Variants in FIBCD1 observed in about 807,000 individuals in gnomAD.
FIBCD1 encodes the protein fibrinogen C domain containing 1.
A neutral mutation model predicts 45.1 loss-of-function variants in FIBCD1; 47 were observed. The observed-to-expected ratio is 1.04, with a 90% CI of 0.82 to 1.33. The LOEUF is 1.33. Ranked by LOEUF, FIBCD1 falls within the 40% of genes most tolerant of loss-of-function variation. FIBCD1 has a pLI of 0.00. For synonymous variants in FIBCD1, 313 were observed against 308.1 expected, an observed-to-expected ratio of 1.02 and a Z score of -0.17; for missense variants, 653 against 682.2, an observed-to-expected ratio of 0.96 and a Z score of 0.48.
At chr9:130,914,943 A>T (rs1588106831) in intron 4 of FIBCD1, among the ~76,000 whole-genome samples, 1 of 151,878 alleles carries the variant, frequency 6.6e-6, no homozygotes. Flanking sequence ...CAGGCACCCC[A>T]CCCTTACAGG....
chr9:130,934,285 T>C (rs1832485919), intron 1 of FIBCD1, among the ~76,000 whole-genome samples: 1 of 152,114 alleles, frequency 6.6e-6, no homozygotes, highest in Non-Finnish European at 1.5e-5. Flanking sequence ...GAGACTCCCC[T>C]GGGGGTGAAG....
chr9:130,905,601 C>G (rs971504154), intron 5 of FIBCD1, among the ~76,000 whole-genome samples, 188 bp from the exon 6 acceptor site: 1 of 152,200 alleles, frequency 6.6e-6, no homozygotes, highest in Non-Finnish European at 1.5e-5. Flanking sequence ...CACTGAGGAC[C>G]GACAGTTTTC....
intron 1 of FIBCD1, 49 bp downstream of exon 1, chr9:130,938,487 C>A: frequency 1.4e-6 from 2 of 1,433,670 alleles, no homozygotes; most frequent in South Asian, 1.4e-5. Context: ...CCCGAGCGGC[C>A]ACCGCCTGGC....
Position 130,924,329 on chromosome 9 carries a change from A to G in FIBCD1, c.620T>C (p.Leu207Pro), listed in dbSNP as rs1420047592. Reference sequence around the variant, plus strand: ...CCGGCCCAGCCCCCGGTCCCTCTGCAGGGCATCCAGGATGTCGCTGACGGA... The same window carrying G: ...CCGGCCCAGCCCCCGGTCCCTCTGCGGGGCATCCAGGATGTCGCTGACGGA... The part of the protein sequence containing the change: ...VNSVSDILDA[L>P]QRDRGLGRPR... Residue 207 changes from leucine to proline, a missense_variant, in exon 3 of 7, where the codon CTG becomes CCG. By Grantham distance (98) the Leu-to-Pro change is moderately conservative (BLOSUM62 -3). Coordinates refer to ENST00000372338, the MANE Select transcript of FIBCD1 (RefSeq NM_032843.5). The G allele has an allele frequency of 6.2e-7, 1 of 1,608,084 alleles. No homozygotes were observed. Among genetic ancestry groups the G allele is most frequent in the South Asian group, 1.1e-5 (1 of 89,542 alleles).
Position 130,929,865 on chromosome 9 carries a change from G to A in FIBCD1, c.254C>T (p.Ala85Val), listed in dbSNP as rs1039307953. ...ANSALVTVER[A>V]DSSHLSILID... ...GAGGATGCTGAGGTGCGAGCTGTCC[G>A]CCCTTTCCACAGTGACCAGGGCGCT... Residue 85 changes from alanine to valine, a missense_variant, in exon 2 of 7, where the codon GCG becomes GTG. Physicochemically the swap from Ala to Val is moderately conservative, Grantham distance 64. Coordinates refer to ENST00000372338, the MANE Select transcript of FIBCD1 (RefSeq NM_032843.5). 29 of 1,549,626 alleles carry A rather than the reference G, an allele frequency of 1.9e-5. No individual in the cohort carries two copies. Among genetic ancestry groups the A allele is most frequent in the African/African-American group, 1.5e-4 (11 of 73,038 alleles).
chr9:130,918,868 C>T (rs914331386), intron 4 of FIBCD1, among the ~76,000 whole-genome samples: 3 of 152,240 alleles, frequency 2.0e-5, no homozygotes, highest in Admixed American at 1.3e-4. Context: ...TCTGCATAAG[C>T]CCGCGCAGGG....
At chr9:130,933,112 G>A (rs7864913) in intron 1 of FIBCD1, among the ~76,000 whole-genome samples, 65,876 of 152,108 alleles carry the variant, frequency 0.43, 16,225 homozygotes, top group Non-Finnish European at 0.56. Context: ...GAAGCCGCAG[G>A]GGGTCCCCTA....
upstream of FIBCD1, among the ~76,000 whole-genome samples, chr9:130,940,309 G>C (rs1832601932): frequency 6.6e-6 from 1 of 152,256 alleles, no homozygotes; most frequent in South Asian, 2.1e-4. Flanking sequence ...ACCACCGGCT[G>C]TTTGTCCCCA....
At chr9:130,915,639 T>C (rs903610887) in intron 4 of FIBCD1, among the ~76,000 whole-genome samples, 2 of 151,986 alleles carry the variant, frequency 1.3e-5, no homozygotes, top group Non-Finnish European at 2.9e-5. Context: ...GGAGGCGTGG[T>C]TGCAGTGAGC....
At position 130,922,637 on chromosome 9, in the gene FIBCD1, C is replaced by T. The variant is rs938181692; in HGVS notation, c.849+1107G>A. ...GTCGAAACACCTCCTCCCCGTCCCTCTCCCCACTGCCCAAGGATGCACACC... is the reference window on the plus strand; with the variant it reads ...GTCGAAACACCTCCTCCCCGTCCCTTTCCCCACTGCCCAAGGATGCACACC... On this transcript the variant is annotated intron_variant, in intron 4 of 6. Coordinates refer to ENST00000372338, the MANE Select transcript of FIBCD1 (RefSeq NM_032843.5). This position sits in a 1 kb window ranked among gnomAD's most constrained non-coding sequence, Gnocchi z 4.5. Among the ~76,000 whole-genome samples, 1 of 152,124 alleles carries T rather than the reference C, an allele frequency of 6.6e-6. No homozygotes were observed. Among genetic ancestry groups the T allele is most frequent in the Non-Finnish European group, 1.5e-5 (1 of 68,024 alleles).
chr9:130,916,204 T>C (rs557148002), intron 4 of FIBCD1, among the ~76,000 whole-genome samples: 102 of 152,340 alleles, frequency 6.7e-4, no homozygotes, highest in Non-Finnish European at 1.1e-3. Flanking sequence ...GCTGGGATTA[T>C]AGGCGTGAGC....
intron 1 of FIBCD1, among the ~76,000 whole-genome samples, chr9:130,930,464 G>A (rs138095331): frequency 2.0e-5 from 3 of 152,008 alleles, no homozygotes; most frequent in African/African-American, 7.2e-5. Flanking sequence ...GCAGGGAGAC[G>A]CGGGGAGATG....
chr9:130,930,711 G>A, intron 1 of FIBCD1: 2 of 454,698 alleles, frequency 4.4e-6, no homozygotes, highest in Non-Finnish European at 8.8e-6. Context: ...CAGCCAGACG[G>A]GACAGGGCTC....
chr9:130,912,127 C>T (rs548275524), intron 4 of FIBCD1, among the ~76,000 whole-genome samples: 1 of 152,146 alleles, frequency 6.6e-6, no homozygotes, highest in East Asian at 2.0e-4. Context: ...CACAGGCCCC[C>T]AAGACGGCTC....
chr9:130,913,733 A>G (rs1832107691), intron 4 of FIBCD1, among the ~76,000 whole-genome samples: 1 of 152,162 alleles, frequency 6.6e-6, no homozygotes, highest in African/African-American at 2.4e-5. Context: ...TCAAAGGCCT[A>G]ATCCTAGCAG....
intron 5 of FIBCD1, among the ~76,000 whole-genome samples, chr9:130,909,383 C>G (rs1477564088): frequency 6.6e-6 from 1 of 152,164 alleles, no homozygotes; most frequent in South Asian, 2.1e-4. Context: ...AGATGACACT[C>G]GGGGCACACA....
Position 130,911,958 on chromosome 9 carries a change from C to G in FIBCD1, c.850-70G>C, listed in dbSNP as rs552218149. ...AGGACTCGCAGCCCACCTGGGCCCA[C>G]CCCGCCCAGAGACTCCCCTCACCCT... On this transcript the variant is annotated intron_variant, in intron 4 of 6. Coordinates refer to ENST00000372338, the MANE Select transcript of FIBCD1 (RefSeq NM_032843.5). 62 of 1,417,324 alleles carry G rather than the reference C, an allele frequency of 4.4e-5. No homozygotes were observed. The South Asian group carries it at 6.8e-4, about 16-fold the overall frequency. 87.8% of individuals were successfully genotyped at this position (1,417,324 alleles called of 1,614,324 possible). A position where few individuals can be genotyped will look rare whatever the true frequency, so the allele number is the denominator to read the frequency against.
chr9:130,923,224 C>T (rs549273831), intron 4 of FIBCD1, among the ~76,000 whole-genome samples: 50 of 152,322 alleles, frequency 3.3e-4, no homozygotes, highest in African/African-American at 1.2e-3. Context: ...TGGGGCATCT[C>T]GCTCCTGTTT....
intron 2 of FIBCD1, among the ~76,000 whole-genome samples, chr9:130,925,663 G>A (rs982428226): frequency 6.6e-6 from 1 of 152,110 alleles, no homozygotes; most frequent in South Asian, 2.1e-4. Flanking sequence ...CTTGGCAAGC[G>A]CAATGCTGTC....
Sources: allele counts gnomAD v4.1 joint callset (sites outside exome capture counted in the v4.1 genomes callset), GRCh38; gene constraint gnomAD v4.1.1; non-coding constraint Gnocchi (gnomAD v3.1); transcripts MANE v1.5; gene names NCBI Gene and HGNC (gene_info 2026-07-23, HGNC 2026-07-21).